The following CYP7B1 variants were observed in gnomAD, a reference collection of about 807,000 sequenced individuals.
The protein encoded by CYP7B1 is cytochrome P450 7B1.
A neutral mutation model predicts 42.7 loss-of-function variants in CYP7B1; 29 were observed. That is an observed-to-expected ratio of 0.68 (90% confidence interval 0.51 to 0.93). The LOEUF is 0.93. Ranked by LOEUF, CYP7B1 falls within the 40% of genes least tolerant of loss-of-function variation. The pLI is 0.00. For missense variants in CYP7B1, 655 were observed against 600.5 expected (o/e 1.09, Z -0.95); for synonymous variants, 235 against 218.2 (o/e 1.08, Z -0.68).
In CYP7B1 at chr8:64,604,830, A is replaced by T; in HGVS notation, c.1085T>A (p.Leu362Gln). The T allele has an allele frequency of 6.2e-7, 1 of 1,614,162 alleles. No individual in the cohort carries two copies. The highest frequency in any genetic ancestry group is 8.5e-7 in the Non-Finnish European group (1 of 1,180,038). ...LESSIFEALR[L>Q]SSYSTTIRFV... ...ACGAATGGTGGTTGAATATGAGGAC[A>T]GTCGTAAAGCTTCAAAAATGCTGCT... Residue 362 changes from leucine (L) to glutamine (Q), a missense_variant, in exon 5 of 6, where the codon CTG (leucine) becomes CAG (glutamine). Coordinates refer to ENST00000310193, the MANE Select transcript of CYP7B1 (RefSeq NM_004820.5).
At chr8:64,658,647 T>C (rs1806156894) in intron 1 of CYP7B1, among the ~76,000 whole-genome samples, 1 of 152,194 alleles carries the variant, frequency 6.6e-6, no homozygotes. Flanking sequence ...TGTTCCCTGG[T>C]AAGTCTTCAT....
Position 64,721,288 on chromosome 8 carries a change from C to T in CYP7B1, c.122+77178G>A, listed in dbSNP as rs543776217. On this transcript the variant is annotated intron_variant, in intron 1 of 5. Coordinates refer to ENST00000310193, the MANE Select transcript of CYP7B1 (RefSeq NM_004820.5). The stretch of plus-strand genomic sequence containing the variant: ...AGCTCCAGTACAAAATAAACATCTG[C>T]CCTGACTGCTAGAAAGCGTTAAGTG... Among the ~76,000 whole-genome samples the T allele has an allele frequency of 1.5e-4, 23 of 152,186 alleles. No homozygotes were observed. The South Asian group carries it at 4.8e-3, about 32-fold the overall frequency.
At chr8:64,646,913 C>T in intron 1 of CYP7B1, among the ~76,000 whole-genome samples, 1 of 152,198 alleles carries the variant, frequency 6.6e-6, no homozygotes, top group East Asian at 1.9e-4. Context: ...CCTTCAAGAA[C>T]TTTTATTTTG....
intron 1 of CYP7B1, among the ~76,000 whole-genome samples, chr8:64,701,899 T>G (rs952613151): frequency 6.6e-6 from 1 of 152,062 alleles, no homozygotes; most frequent in Non-Finnish European, 1.5e-5. Flanking sequence ...AATAAAGCAC[T>G]GTAGCTAACA....
At chr8:64,704,473 G>A (rs1370875945) in intron 1 of CYP7B1, among the ~76,000 whole-genome samples, 1 of 152,024 alleles carries the variant, frequency 6.6e-6, no homozygotes, top group Non-Finnish European at 1.5e-5. Context: ...TTGCATGCAG[G>A]TTTAAAAATA....
chr8:64,645,915 T>G (rs1805946918), intron 1 of CYP7B1, among the ~76,000 whole-genome samples: 1 of 152,142 alleles, frequency 6.6e-6, no homozygotes, highest in South Asian at 2.1e-4. Flanking sequence ...CTATCTGATC[T>G]TTGACAAACC....
At chr8:64,760,334 G>C (rs1807870337) in intron 1 of CYP7B1, among the ~76,000 whole-genome samples, 1 of 151,682 alleles carries the variant, frequency 6.6e-6, no homozygotes, top group Non-Finnish European at 1.5e-5. Flanking sequence ...CAAAAGCATA[G>C]GCAATAAAAG....
chr8:64,659,007 A>G (rs13266877), intron 1 of CYP7B1, among the ~76,000 whole-genome samples: 16,358 of 152,244 alleles, frequency 0.11, 1,148 homozygotes, highest in Non-Finnish European at 0.16. Context: ...GTGATTGGTC[A>G]TTGACCGTGA....
chr8:64,607,111 GAACA>G (rs1805294347), intron 4 of CYP7B1, among the ~76,000 whole-genome samples: 1 of 152,064 alleles, frequency 6.6e-6, no homozygotes, highest in Non-Finnish European at 1.5e-5. Flanking sequence ...TGCTAGTGCC[GAACA>G]AACAAGGCAA....
Position 64,591,158 on chromosome 8 carries a change from C to A in CYP7B1, c.*5484G>T, listed in dbSNP as rs1183550091. On this transcript the variant is annotated 3_prime_UTR_variant, in exon 6 of 6. Transcript: ENST00000310193. The stretch of plus-strand genomic sequence containing the variant: ...ATTTTACTCTAGCAAGTAGTATAAA[C>A]AAAATAAACATTTAAGCCAAAAAGT... 1.3e-5 allele frequency among the ~76,000 whole-genome samples: 2 copies of A among 151,920 alleles called. No individual in the cohort carries two copies. The highest frequency in any genetic ancestry group is 4.8e-5 in the African/African-American group (2 of 41,362).
chr8:64,758,788 A>G (rs1807845025), intron 1 of CYP7B1, among the ~76,000 whole-genome samples: 1 of 152,358 alleles, frequency 6.6e-6, no homozygotes, highest in South Asian at 2.1e-4. Flanking sequence ...GGAATAATGC[A>G]TGAACCAGAG....
intron 1 of CYP7B1, among the ~76,000 whole-genome samples, chr8:64,651,432 C>T (rs565970832): frequency 3.3e-5 from 5 of 152,326 alleles, no homozygotes; most frequent in African/African-American, 7.2e-5. Flanking sequence ...TGGTTAAGGA[C>T]GTAGCGTCTG....
intron 1 of CYP7B1, among the ~76,000 whole-genome samples, chr8:64,655,434 T>G (rs1806107363): frequency 6.6e-6 from 1 of 152,124 alleles, no homozygotes; most frequent in African/African-American, 2.4e-5. Flanking sequence ...TCAATATCAC[T>G]GATCGTTAGA....
Position 64,763,827 on chromosome 8 carries a change from G to A in CYP7B1, c.122+34639C>T, listed in dbSNP as rs912569193. 4.6e-5 allele frequency among the ~76,000 whole-genome samples: 7 copies of A among 152,238 alleles called. No individual in the cohort carries two copies. In the East Asian group the frequency reaches 7.7e-4, roughly 17 times the overall value. On this transcript the variant is annotated intron_variant, in intron 1 of 5. Coordinates refer to ENST00000310193, the MANE Select transcript of CYP7B1 (RefSeq NM_004820.5). ...GTCTCTACCCAACAGTCGCCCATGCGTGTGCCCCTACCTTTCCTTCTGACC... is the reference window on the plus strand; with the variant it reads ...GTCTCTACCCAACAGTCGCCCATGCATGTGCCCCTACCTTTCCTTCTGACC...
At chr8:64,624,280 C>T in intron 2 of CYP7B1, 123 bp downstream of exon 2, 1 of 922,516 alleles carries the variant, frequency 1.1e-6, no homozygotes, top group African/African-American at 1.7e-5. Flanking sequence ...TTCACATTAG[C>T]TCTACAAAAT....
At chr8:64,731,109 A>C (rs1314560639) in intron 1 of CYP7B1, among the ~76,000 whole-genome samples, 1 of 152,108 alleles carries the variant, frequency 6.6e-6, no homozygotes, top group Non-Finnish European at 1.5e-5. Flanking sequence ...TTTCTTTATA[A>C]ATCACCCAGT....
intron 1 of CYP7B1, among the ~76,000 whole-genome samples, chr8:64,652,428 A>G (rs1806053417): frequency 6.6e-6 from 1 of 152,196 alleles, no homozygotes; most frequent in African/African-American, 2.4e-5. Flanking sequence ...ATTGAACATA[A>G]AACAATCCTC....
At chr8:64,603,789 G>A (rs887468586) in intron 5 of CYP7B1, among the ~76,000 whole-genome samples, 3 of 152,120 alleles carry the variant, frequency 2.0e-5, no homozygotes, top group Admixed American at 2.0e-4. Flanking sequence ...ATTTGAATCT[G>A]CTCTCTTCTT....
At chr8:64,667,829 T>A (rs1320993956) in intron 1 of CYP7B1, among the ~76,000 whole-genome samples, 1 of 152,182 alleles carries the variant, frequency 6.6e-6, no homozygotes, top group Non-Finnish European at 1.5e-5. Flanking sequence ...TTTTATTTGG[T>A]TCTTCATTAG....
Sources: allele counts gnomAD v4.1 joint callset (sites outside exome capture counted in the v4.1 genomes callset), GRCh38; gene constraint gnomAD v4.1.1; transcripts MANE v1.5; gene names NCBI Gene and HGNC (gene_info 2026-07-23, HGNC 2026-07-21).